GPRC6A: variants seen among roughly 807,000 people sequenced by gnomAD.
GPRC6A encodes the protein G protein-coupled receptor family C group 6 member A.
GPRC6A carries 54 observed loss-of-function variants against 47.0 expected under a neutral mutation model. That is an observed-to-expected ratio of 1.15 (90% confidence interval 0.92 to 1.44). The LOEUF is 1.44. Among genes scored for constraint, GPRC6A ranks in the 40% most tolerant of loss-of-function variants. The probability of loss-of-function intolerance (pLI) is 0.00; values close to 1 mark genes in which losing one functional copy is unlikely to be tolerated. For missense variants in GPRC6A, 1,112 were observed against 1,105.5 expected, an observed-to-expected ratio of 1.01 and a Z score of -0.08; for synonymous variants, 347 against 377.1, an observed-to-expected ratio of 0.92 and a Z score of 0.93.
At chr6:116,825,100 G>A (rs1327701277) in intron 1 of GPRC6A, among the ~76,000 whole-genome samples, 2 of 151,836 alleles carry the variant, frequency 1.3e-5, no homozygotes, top group African/African-American at 4.8e-5. Flanking sequence ...ATTAATAAAG[G>A]CCATATATGA....
At chr6:116,799,997 A>G (rs986736118) in intron 4 of GPRC6A, among the ~76,000 whole-genome samples, 5 of 152,156 alleles carry the variant, frequency 3.3e-5, no homozygotes, top group Admixed American at 3.3e-4. Flanking sequence ...AACAGAAAAT[A>G]GAGTTAACTG....
At chr6:116,812,445 A>G (rs1369452463) in intron 1 of GPRC6A, among the ~76,000 whole-genome samples, 3 of 152,208 alleles carry the variant, frequency 2.0e-5, no homozygotes, top group Non-Finnish European at 4.4e-5. Flanking sequence ...ATGGTAAAAA[A>G]GAGGAAGGAC....
Position 116,800,675 on chromosome 6 carries a change from A to G in GPRC6A, c.1457T>C (p.Met486Thr). ...VVLWKEINGH[M>T]TVTKMAEYDL... ...ATATTCTGCCATCTTAGTGACAGTC[A>G]TGTGTCCATTGATCTCCTTCCAGAG... The change falls in exon 4 of 6, where the codon ATG becomes ACG. Residue 486 changes from methionine (M) to threonine (T), a missense_variant. By Grantham distance (81) the Met-to-Thr change is moderately conservative (BLOSUM62 -1). Transcript: ENST00000310357. The G allele has an allele frequency of 6.2e-7, 1 of 1,612,200 alleles. No individual in the cohort carries two copies. Among genetic ancestry groups the G allele is most frequent in the Non-Finnish European group, 8.5e-7 (1 of 1,178,380 alleles).
chr6:116,827,998 T>C (rs748298264), intron 1 of GPRC6A, among the ~76,000 whole-genome samples: 3 of 152,086 alleles, frequency 2.0e-5, no homozygotes, highest in Non-Finnish European at 4.4e-5. Flanking sequence ...GAAGGAAGCA[T>C]GAAGAGCACA....
At chr6:116,795,008 A>G (rs1481694315) in intron 5 of GPRC6A, among the ~76,000 whole-genome samples, 1 of 152,170 alleles carries the variant, frequency 6.6e-6, no homozygotes, top group Non-Finnish European at 1.5e-5. Context: ...GAATGCTCTA[A>G]TAAACAACAA....
chr6:116,804,658 C>T (rs1332155007), intron 3 of GPRC6A, among the ~76,000 whole-genome samples: 1 of 152,066 alleles, frequency 6.6e-6, no homozygotes, highest in East Asian at 1.9e-4. Context: ...TGACTCCAGG[C>T]TCCTAGTGTT....
intron 1 of GPRC6A, among the ~76,000 whole-genome samples, chr6:116,815,672 C>T (rs868672265): frequency 2.6e-5 from 4 of 152,172 alleles, no homozygotes; most frequent in South Asian, 4.1e-4. Context: ...AATATATTCT[C>T]AGGCTGCAAT....
intron 3 of GPRC6A, 64 bp from the exon 4 acceptor site, chr6:116,800,860 A>G: frequency 1.1e-6 from 1 of 930,494 alleles, no homozygotes; most frequent in Non-Finnish European, 1.7e-6. Context: ...CCATTATTCT[A>G]ATGATAACAC....
chr6:116,821,539 C>T (rs1773479996), intron 1 of GPRC6A, among the ~76,000 whole-genome samples: 1 of 152,038 alleles, frequency 6.6e-6, no homozygotes, highest in Non-Finnish European at 1.5e-5. Context: ...AGAACAGAGC[C>T]CTCAGAAATA....
At chr6:116,813,409 G>A (rs552134466) in intron 1 of GPRC6A, among the ~76,000 whole-genome samples, 49 of 152,218 alleles carry the variant, frequency 3.2e-4, no homozygotes, top group Non-Finnish European at 5.6e-4. Flanking sequence ...CCAAAAAGGA[G>A]ATATAGACCA....
At position 116,793,130 on chromosome 6, in the gene GPRC6A, A is replaced by G; in HGVS notation, c.1793T>C (p.Leu598Pro). The change falls in exon 6 of 6, where the codon CTG becomes CCG. Residue 598 changes from leucine (L) to proline (P), a missense_variant. Physicochemically the swap from Leu to Pro is moderately conservative, Grantham distance 98. Coordinates refer to ENST00000310357, the MANE Select transcript of GPRC6A (RefSeq NM_148963.4). Reference protein sequence around the residue: ...NWNDSLAILLLILSLLGIIFV... With the variant: ...NWNDSLAILLPILSLLGIIFV... ...TATGATTCCCAGTAGGGAGAGAATC[A>G]GGAGTAGGATGGCCAAGGAGTCATT... is the stretch of plus-strand genomic sequence containing the variant. 6.2e-7 allele frequency: 1 copy of G among 1,613,938 alleles called. No homozygotes were observed. Among genetic ancestry groups the G allele is most frequent in the Non-Finnish European group, 8.5e-7 (1 of 1,179,836 alleles).
intron 1 of GPRC6A, 82 bp downstream of exon 1, chr6:116,828,738 A>T: frequency 9.1e-7 from 1 of 1,102,120 alleles, no homozygotes; most frequent in Non-Finnish European, 1.3e-6. Flanking sequence ...AATGATTTAG[A>T]TATTAATACA....
intron 1 of GPRC6A, among the ~76,000 whole-genome samples, chr6:116,827,902 C>T (rs1237334143): frequency 6.6e-6 from 1 of 151,734 alleles, no homozygotes; most frequent in Non-Finnish European, 1.5e-5. Context: ...GGAAATACTT[C>T]GTTGATAAAG....
Position 116,792,529 on chromosome 6 carries a change from GA to G in GPRC6A, c.2393del (p.Phe798SerfsTer22), listed in dbSNP as rs1480609810. The G allele has an allele frequency of 6.2e-7, 1 of 1,613,786 alleles. No homozygotes were observed. The highest frequency in any genetic ancestry group is 8.5e-7 in the Non-Finnish European group (1 of 1,179,850). On this transcript the variant is annotated frameshift_variant, in exon 6 of 6. Coordinates refer to ENST00000310357, the MANE Select transcript of GPRC6A (RefSeq NM_148963.4). LOFTEE classifies it low-confidence loss of function (END_TRUNC). ...MLIYFIAWIT[F>X]IPIYATTFGK... ...CAAATGTGGTAGCATAGATAGGGAT[GA>G]ATGTGATCCAAGCTATGAAGTAAAT...
At chr6:116,805,596 C>T (rs1271216834) in intron 3 of GPRC6A, among the ~76,000 whole-genome samples, 1 of 149,028 alleles carries the variant, frequency 6.7e-6, no homozygotes, top group Non-Finnish European at 1.5e-5. Flanking sequence ...CTTTTCAATG[C>T]CTTGTTCAAG....
chr6:116,809,787 G>T (rs2114600265), intron 1 of GPRC6A, among the ~76,000 whole-genome samples, 170 bp from the exon 2 acceptor site: 1 of 151,946 alleles, frequency 6.6e-6, no homozygotes, highest in Non-Finnish European at 1.5e-5. Flanking sequence ...ATTTATGAAG[G>T]GTAATATAAG....
At chr6:116,817,716 G>A (rs1352213180) in intron 1 of GPRC6A, among the ~76,000 whole-genome samples, 4 of 152,030 alleles carry the variant, frequency 2.6e-5, no homozygotes, top group East Asian at 1.9e-4. Flanking sequence ...GCCAAGGCTC[G>A]AGAACTACGT....
intron 4 of GPRC6A, among the ~76,000 whole-genome samples, chr6:116,798,602 G>A (rs1345240021): frequency 2.6e-5 from 4 of 152,032 alleles, no homozygotes. Flanking sequence ...CAGACTGAAG[G>A]GGGCTGGCGC....
intron 5 of GPRC6A, among the ~76,000 whole-genome samples, chr6:116,794,851 G>A (rs1011555185): frequency 7.9e-5 from 12 of 152,004 alleles, no homozygotes; most frequent in Non-Finnish European, 1.3e-4. Flanking sequence ...GGAATAAATG[G>A]CATTTTTTGT....
Sources: allele counts gnomAD v4.1 joint callset (sites outside exome capture counted in the v4.1 genomes callset), GRCh38; gene constraint gnomAD v4.1.1; transcripts MANE v1.5; gene names NCBI Gene and HGNC (gene_info 2026-07-23, HGNC 2026-07-21).